Variants in LIN54 observed in about 807,000 individuals in gnomAD.
The protein encoded by LIN54 is lin-54 DREAM MuvB core complex component.
A neutral mutation model predicts 78.7 loss-of-function variants in LIN54; 9 were observed. The ratio of observed to expected loss-of-function variants is 0.11; its 90% CI spans 0.07 to 0.20. The LOEUF (loss-of-function observed/expected upper bound fraction) is 0.20. LIN54 is among the 10% of genes least tolerant of loss of function. LIN54 has a pLI of 1.00. For synonymous variants in LIN54, 269 were observed against 318.4 expected, an observed-to-expected ratio of 0.84 and a Z score of 1.65; for missense variants, 573 against 889.9, an observed-to-expected ratio of 0.64 and a Z score of 4.53.
chr4:82,931,733 T>C (rs1721971221), intron 11 of LIN54, among the ~76,000 whole-genome samples: 1 of 152,234 alleles, frequency 6.6e-6, no homozygotes, highest in Non-Finnish European at 1.5e-5. Context: ...AATGTAAGTA[T>C]ATATAAAATC....
At chr4:82,978,250 A>C (rs534386725) in intron 3 of LIN54, among the ~76,000 whole-genome samples, 7 of 152,342 alleles carry the variant, frequency 4.6e-5, no homozygotes, top group South Asian at 2.1e-4. Context: ...ACTAAGGAGT[A>C]TTCTAGTAAA....
intron 3 of LIN54, among the ~76,000 whole-genome samples, chr4:82,974,500 G>A (rs1341940869): frequency 2.0e-5 from 3 of 152,128 alleles, no homozygotes; most frequent in Non-Finnish European, 4.4e-5. Flanking sequence ...ACTTTGGGAG[G>A]CCGAGGTGGG....
chr4:82,968,867 T>C (rs922896795), intron 4 of LIN54, among the ~76,000 whole-genome samples: 1 of 152,186 alleles, frequency 6.6e-6, no homozygotes, highest in African/African-American at 2.4e-5. Flanking sequence ...CAATCTAGGC[T>C]ACCCACTAGA....
chr4:83,004,746 ACCTTGG>A (rs1729199561), intron 1 of LIN54, among the ~76,000 whole-genome samples: 1 of 152,040 alleles, frequency 6.6e-6, no homozygotes, highest in African/African-American at 2.4e-5. Flanking sequence ...CTATCCTGCC[ACCTTGG>A]CCTCCCAAGG....
chr4:82,938,996 A>G (rs904445048), intron 7 of LIN54, among the ~76,000 whole-genome samples: 3 of 152,362 alleles, frequency 2.0e-5, no homozygotes, highest in East Asian at 1.9e-4. Context: ...CTTTTTATCA[A>G]TAGCCACATA....
chr4:83,004,958 G>A (rs1286386257), intron 1 of LIN54, among the ~76,000 whole-genome samples: 2 of 152,082 alleles, frequency 1.3e-5, no homozygotes, highest in African/African-American at 4.8e-5. Flanking sequence ...GCAGTGGCGC[G>A]ATCTCAGCTC....
At chr4:83,012,116 A>T, upstream of LIN54, 3 of 730,178 alleles carry the variant, frequency 4.1e-6, no homozygotes, top group Non-Finnish European at 5.0e-6. Context: ...TATGCAGACT[A>T]CCAGATGCTG....
intron 2 of LIN54, among the ~76,000 whole-genome samples, chr4:82,980,090 A>G (rs1244884607): frequency 6.6e-5 from 10 of 152,052 alleles, no homozygotes; most frequent in Admixed American, 5.2e-4. Flanking sequence ...GAGAGAAACT[A>G]TATTTAATTC....
intron 1 of LIN54, among the ~76,000 whole-genome samples, chr4:83,009,154 A>G (rs1316584994): frequency 2.0e-5 from 3 of 152,178 alleles, no homozygotes; most frequent in Admixed American, 2.0e-4. Flanking sequence ...TTCTTCTAGT[A>G]AGTGAAAGCC....
intron 1 of LIN54, among the ~76,000 whole-genome samples, chr4:83,004,828 C>T (rs1729208398): frequency 6.6e-6 from 1 of 152,202 alleles, no homozygotes; most frequent in South Asian, 2.1e-4. Flanking sequence ...ACAACATCAT[C>T]CATCACCCTA....
intron 1 of LIN54, among the ~76,000 whole-genome samples, chr4:83,004,418 A>G (rs970269716): frequency 3.4e-5 from 5 of 145,130 alleles, no homozygotes; most frequent in African/African-American, 1.3e-4. Flanking sequence ...AAAAAAAAAG[A>G]AAGAAAGAAA....
intron 3 of LIN54, among the ~76,000 whole-genome samples, chr4:82,974,661 C>CTT (rs1726004668): frequency 1.3e-5 from 2 of 152,050 alleles, no homozygotes; most frequent in Admixed American, 1.3e-4. Context: ...CACTTGAACC[C>CTT]AGAAGGCAGA....
intron 2 of LIN54, among the ~76,000 whole-genome samples, chr4:82,980,990 G>A (rs1472209693): frequency 6.6e-6 from 1 of 152,028 alleles, no homozygotes; most frequent in Non-Finnish European, 1.5e-5. Context: ...TTTCTTTAGT[G>A]GTGCTGAAAA....
chr4:82,985,477 A>T (rs933078042), intron 1 of LIN54, among the ~76,000 whole-genome samples: 1 of 152,226 alleles, frequency 6.6e-6, no homozygotes, highest in African/African-American at 2.4e-5. Flanking sequence ...AACTAGCTTC[A>T]TACCAGGGAA....
At chr4:82,965,489 G>A (rs563564211) in intron 4 of LIN54, among the ~76,000 whole-genome samples, 15 of 152,282 alleles carry the variant, frequency 9.9e-5, no homozygotes, top group Admixed American at 7.2e-4. Flanking sequence ...GGAGGCATAA[G>A]AGCTGAAGGA....
chr4:82,952,086 A>C (rs778020483), intron 4 of LIN54, among the ~76,000 whole-genome samples: 7 of 152,202 alleles, frequency 4.6e-5, no homozygotes, highest in African/African-American at 1.2e-4. Context: ...CTTGGATACA[A>C]CACCAAAGGT....
At chr4:82,969,579 T>A (rs1298802722) in intron 4 of LIN54, among the ~76,000 whole-genome samples, 1 of 152,210 alleles carries the variant, frequency 6.6e-6, no homozygotes, top group Non-Finnish European at 1.5e-5. Context: ...TTAAAAAATG[T>A]AAGGCAAATG....
rs755510997 is a variant in LIN54, at chr4:82,978,940, T to C, written c.751A>G (p.Ile251Val). Residue 251 changes from isoleucine to valine, a missense_variant, in exon 3 of 13, where the codon ATT becomes GTT. Around this residue, in one of 6 missense-constraint regions of LIN54, gnomAD observed 199 missense variants for 260.9 expected, o/e 0.76. Transcript: ENST00000340417. ...TGTCCTGTAACTGCTTTACTATTAA[T>C]TGGTTTTGCAAAGATCAGCTTCGTG... Reference protein sequence around the residue: ...VITKLIFAKPINSKAVTGQTT... With the variant: ...VITKLIFAKPVNSKAVTGQTT... 6 of 1,593,268 alleles carry C rather than the reference T, an allele frequency of 3.8e-6. No individual in the cohort carries two copies. The highest frequency in any genetic ancestry group is 1.1e-5 in the South Asian group (1 of 88,648).
chr4:82,987,205 C>T (rs1011411413), intron 1 of LIN54, among the ~76,000 whole-genome samples: 7 of 152,170 alleles, frequency 4.6e-5, no homozygotes, highest in African/African-American at 1.7e-4. Flanking sequence ...GCACAATAAT[C>T]GCTTGAAGCC....
Sources: allele counts gnomAD v4.1 joint callset (sites outside exome capture counted in the v4.1 genomes callset), GRCh38; gene constraint gnomAD v4.1.1; regional missense constraint gnomAD v4.1.1; transcripts MANE v1.5; gene names NCBI Gene and HGNC (gene_info 2026-07-23, HGNC 2026-07-21).